Variants in ROBO1 observed in about 807,000 individuals in gnomAD.
The protein encoded by ROBO1 is roundabout homolog 1.
Under a neutral mutation model 195.9 loss-of-function variants are expected in ROBO1, and 149 were observed. The observed-to-expected ratio is 0.76, with a 90% CI of 0.67 to 0.87. The LOEUF is 0.87. ROBO1 is among the 40% of genes least tolerant of loss of function. The pLI, the probability that ROBO1 is intolerant of heterozygous loss-of-function variation, is 0.00. For missense variants in ROBO1, 1,933 were observed against 2,068.3 expected, an observed-to-expected ratio of 0.93 and a Z score of 1.27; for synonymous variants, 816 against 733.2, an observed-to-expected ratio of 1.11 and a Z score of -1.82.
intron 3 of ROBO1, among the ~76,000 whole-genome samples, chr3:79,037,488 T>C (rs2078401414): frequency 6.6e-6 from 1 of 152,202 alleles, no homozygotes; most frequent in Non-Finnish European, 1.5e-5. Flanking sequence ...AGAAAGAGAT[T>C]CTGTTATTCA....
chr3:79,682,618 AG>A (rs1419236268), intron 1 of ROBO1, among the ~76,000 whole-genome samples: 2 of 152,054 alleles, frequency 1.3e-5, no homozygotes, highest in Non-Finnish European at 2.9e-5. Context: ...TCCCCAGAGA[AG>A]GTCTCCTGAT....
At chr3:78,622,429 C>CA (rs2107442705) in intron 26 of ROBO1, among the ~76,000 whole-genome samples, 2 of 152,088 alleles carry the variant, frequency 1.3e-5, no homozygotes, top group South Asian at 4.2e-4. Context: ...AGATTTATAC[C>CA]AAAAAGATCA....
chr3:79,568,039 G>T (rs1042493540), intron 2 of ROBO1, among the ~76,000 whole-genome samples: 4 of 151,996 alleles, frequency 2.6e-5, no homozygotes, highest in Non-Finnish European at 4.4e-5. Context: ...TTGGCAAGTT[G>T]GTGCCGTGAA....
intron 2 of ROBO1, among the ~76,000 whole-genome samples, chr3:79,372,336 A>G (rs893274428): frequency 9.9e-5 from 15 of 151,726 alleles, no homozygotes; most frequent in African/African-American, 3.6e-4. Context: ...CCTCCCGAGT[A>G]GCTGGGATTA....
At chr3:79,375,265 T>C (rs1317751756) in intron 2 of ROBO1, among the ~76,000 whole-genome samples, 1 of 152,080 alleles carries the variant, frequency 6.6e-6, no homozygotes, top group Non-Finnish European at 1.5e-5. Flanking sequence ...GAGAAAAAGA[T>C]AGACAGAGTT....
chr3:78,830,544 G>A (rs162817), intron 4 of ROBO1, among the ~76,000 whole-genome samples: 8,676 of 152,242 alleles, frequency 0.057, 314 homozygotes, highest in Middle Eastern at 0.11. Flanking sequence ...TTCACATGGC[G>A]ACAGGAAGGA....
chr3:78,945,350 T>A (rs903534959), intron 3 of ROBO1, among the ~76,000 whole-genome samples: 2 of 152,102 alleles, frequency 1.3e-5, no homozygotes, highest in Non-Finnish European at 2.9e-5. Context: ...ACAGCAGCAT[T>A]TGCAGTTCAC....
At chr3:79,444,913 A>G (rs1272480490) in intron 2 of ROBO1, among the ~76,000 whole-genome samples, 1 of 152,002 alleles carries the variant, frequency 6.6e-6, no homozygotes, top group Admixed American at 6.6e-5. Context: ...AAATATGTTA[A>G]AGCTATAGGG....
chr3:79,564,957 G>C (rs1472538648), intron 2 of ROBO1, among the ~76,000 whole-genome samples: 1 of 151,980 alleles, frequency 6.6e-6, no homozygotes, highest in Non-Finnish European at 1.5e-5. Context: ...TATATTTTTA[G>C]TAATGGCAAA....
At chr3:79,017,494 T>TGTGTGTGTGTGTG (rs1553659458) in intron 3 of ROBO1, among the ~76,000 whole-genome samples, 3 of 149,948 alleles carry the variant, frequency 2.0e-5, no homozygotes, top group African/African-American at 4.9e-5. Flanking sequence ...TGTGTGTGTG[T>TGTGTGTGTGTGTG]TTTAAAGCCT....
chr3:79,343,342 G>A (rs1479241356), intron 2 of ROBO1, among the ~76,000 whole-genome samples: 8 of 152,246 alleles, frequency 5.3e-5, no homozygotes, highest in Non-Finnish European at 1.2e-4. Flanking sequence ...GCTTCTTTGA[G>A]TAAATACCGA....
At chr3:79,648,488 G>T (rs547052120) in intron 1 of ROBO1, among the ~76,000 whole-genome samples, 1 of 152,004 alleles carries the variant, frequency 6.6e-6, no homozygotes, top group Non-Finnish European at 1.5e-5. Flanking sequence ...ACATTAAATA[G>T]AACAGGAGGA....
chr3:78,869,546 C>T (rs775716050), intron 4 of ROBO1, among the ~76,000 whole-genome samples: 3 of 152,124 alleles, frequency 2.0e-5, no homozygotes, highest in Non-Finnish European at 4.4e-5. Context: ...CAGCCCCAAC[C>T]TCTTTGGTCT....
chr3:79,063,621 A>G (rs2108411729), intron 3 of ROBO1, among the ~76,000 whole-genome samples: 2 of 151,882 alleles, frequency 1.3e-5, no homozygotes, highest in East Asian at 2.0e-4. Context: ...ACAGTGGATC[A>G]TTTCTTCCTC....
At chr3:78,684,782 T>G (rs533560041) in intron 10 of ROBO1, among the ~76,000 whole-genome samples, 8 of 152,160 alleles carry the variant, frequency 5.3e-5, no homozygotes, top group Non-Finnish European at 1.0e-4. Context: ...CAACTGCTAT[T>G]ATATTGATTA....
intron 2 of ROBO1, among the ~76,000 whole-genome samples, chr3:79,308,470 T>G (rs1167104036): frequency 6.6e-6 from 1 of 152,210 alleles, no homozygotes; most frequent in East Asian, 1.9e-4. Flanking sequence ...TTTTACACAT[T>G]CATTCATTCA....
intron 2 of ROBO1, among the ~76,000 whole-genome samples, chr3:79,481,494 C>G (rs984595829): frequency 9.8e-5 from 15 of 152,296 alleles, no homozygotes; most frequent in Admixed American, 9.8e-4. Flanking sequence ...TGGCCTGCTT[C>G]AAAGAGGTAG....
At chr3:79,187,199 A>C (rs1245491834) in intron 2 of ROBO1, among the ~76,000 whole-genome samples, 1 of 152,018 alleles carries the variant, frequency 6.6e-6, no homozygotes, top group Admixed American at 6.6e-5. Flanking sequence ...AGAAGAGGTA[A>C]TATATGGAAA....
At chr3:79,107,127 T>TCTCTCTCCCCCCCCCCCCC (rs1370578718) in intron 3 of ROBO1, among the ~76,000 whole-genome samples, 2 of 136,454 alleles carry the variant, frequency 1.5e-5, no homozygotes, top group African/African-American at 5.3e-5. Flanking sequence ...TCTCTCTCTC[T>TCTCTCTCCCCCCCCCCCCC]CACACACACA....
Sources: allele counts gnomAD v4.1 joint callset (sites outside exome capture counted in the v4.1 genomes callset), GRCh38; gene constraint gnomAD v4.1.1; transcripts MANE v1.5; gene names NCBI Gene and HGNC (gene_info 2026-07-23, HGNC 2026-07-21).